NHSL1: variants seen among roughly 807,000 people sequenced by gnomAD.
The protein encoded by NHSL1 is NHS-like protein 1.
Under a neutral mutation model 95.0 loss-of-function variants are expected in NHSL1, and 48 were observed. The ratio of observed to expected loss-of-function variants is 0.51; its 90% CI spans 0.40 to 0.64. The LOEUF (loss-of-function observed/expected upper bound fraction) is 0.64. NHSL1 is among the 30% of genes least tolerant of loss of function. NHSL1 has a pLI of 0.00. For synonymous variants in NHSL1, 783 were observed against 833.9 expected, an observed-to-expected ratio of 0.94 and a Z score of 1.05; for missense variants, 1,971 against 2,077.7, an observed-to-expected ratio of 0.95 and a Z score of 1.00.
In NHSL1 at chr6:138,511,800, G is replaced by C. The variant is rs188048849; in HGVS notation, c.17-15429C>G. ...AAAATACAAAAATTAGCAGAGCACAGTGGCACACGCCTGCCTGTAATCCTA... is the reference window on the plus strand; with the variant it reads ...AAAATACAAAAATTAGCAGAGCACACTGGCACACGCCTGCCTGTAATCCTA... On this transcript the variant is annotated intron_variant, in intron 1 of 4. Coordinates refer to the NHSL1 transcript ENST00000342260. 2.8e-3 allele frequency among the ~76,000 whole-genome samples: 430 copies of C among 152,180 alleles called. 3 individuals carry two copies. The highest frequency in any genetic ancestry group is 9.3e-3 in the African/African-American group (388 of 41,512).
chr6:138,641,481 C>T (rs1226156654), intron 1 of NHSL1, among the ~76,000 whole-genome samples: 1 of 152,004 alleles, frequency 6.6e-6, no homozygotes, highest in East Asian at 1.9e-4. Context: ...GTTTAGAAAT[C>T]ATGGAAAGTC....
chr6:138,644,677 G>A (rs370428338), intron 1 of NHSL1, among the ~76,000 whole-genome samples: 9 of 152,260 alleles, frequency 5.9e-5, no homozygotes, highest in Middle Eastern at 3.4e-3. Flanking sequence ...TTACTTAAAA[G>A]GAGCAGGGAC....
At chr6:138,664,983 A>C (rs908356043) in intron 1 of NHSL1, among the ~76,000 whole-genome samples, 2 of 152,252 alleles carry the variant, frequency 1.3e-5, no homozygotes, top group Non-Finnish European at 1.5e-5. Flanking sequence ...CTTCACAGCA[A>C]CATCTAATCT....
chr6:138,470,908 C>G (rs746176373), intron 3 of NHSL1, among the ~76,000 whole-genome samples: 1 of 152,186 alleles, frequency 6.6e-6, no homozygotes, highest in Non-Finnish European at 1.5e-5. Context: ...GCAAATCACA[C>G]TAAGGTAATT....
rs188821847 is a variant in NHSL1, at chr6:138,560,012, C to A, written c.202+11698G>T. 8.0e-3 allele frequency among the ~76,000 whole-genome samples: 1,216 copies of A among 152,262 alleles called. 21 individuals carry two copies. The highest frequency in any genetic ancestry group is 0.028 in the African/African-American group (1,169 of 41,530). On this transcript the variant is annotated intron_variant, in intron 1 of 6. Transcript: ENST00000427025. Reference sequence around the variant, plus strand: ...ATTAAACTTTTCAGGCCCTGAAAACCCCAAAACATTCACACCATAGTTCCT... The same window carrying A: ...ATTAAACTTTTCAGGCCCTGAAAACACCAAAACATTCACACCATAGTTCCT...
chr6:138,551,427 T>C (rs1398487320), intron 1 of NHSL1, among the ~76,000 whole-genome samples: 2 of 152,200 alleles, frequency 1.3e-5, no homozygotes, highest in Non-Finnish European at 2.9e-5. Context: ...AGATTGGAGA[T>C]GCTGAAACCC....
intron 1 of NHSL1, among the ~76,000 whole-genome samples, chr6:138,682,849 G>A (rs1392212116): frequency 6.6e-6 from 1 of 152,140 alleles, no homozygotes; most frequent in Non-Finnish European, 1.5e-5. Context: ...CAGTGACTCC[G>A]ATGATTCAGA....
chr6:138,619,477 C>T (rs1784624794), intron 1 of NHSL1, among the ~76,000 whole-genome samples: 1 of 152,100 alleles, frequency 6.6e-6, no homozygotes, highest in Admixed American at 6.5e-5. Flanking sequence ...TCATTAAATC[C>T]AGAAGTTATG....
In NHSL1 at chr6:138,424,849, T is replaced by A; in HGVS notation, c.4086-33A>T. ...TTAATAACATTAAGAAAAAGGTTAA[T>A]TCCCACGGGACCACAGGCTGTCAGC... On this transcript the variant is annotated intron_variant, in intron 7 of 7. Coordinates refer to ENST00000343505, the MANE Select transcript of NHSL1 (RefSeq NM_001144060.2). This position sits in a 1 kb window ranked among gnomAD's most constrained non-coding sequence, Gnocchi z 5.9. The A allele has an allele frequency of 6.6e-7, 1 of 1,524,516 alleles. No homozygotes were observed. The allele number at this position is 1,524,516 out of a possible 1,614,324, so 94.4% of individuals were successfully genotyped here. A position where few individuals can be genotyped will look rare whatever the true frequency, so the allele number is the denominator to read the frequency against.
chr6:138,552,623 T>TC (rs1158007819), intron 1 of NHSL1, among the ~76,000 whole-genome samples: 1 of 152,138 alleles, frequency 6.6e-6, no homozygotes, highest in Non-Finnish European at 1.5e-5. Context: ...TAGATTTTTC[T>TC]CTTTTTTTGT....
chr6:138,594,967 C>T (rs771935217), intron 1 of NHSL1, among the ~76,000 whole-genome samples: 140 of 152,272 alleles, frequency 9.2e-4, no homozygotes, highest in South Asian at 3.1e-3. Flanking sequence ...AGCACAAGCC[C>T]CATCCAGCAC....
intron 1 of NHSL1, among the ~76,000 whole-genome samples, chr6:138,687,680 A>T (rs533295964): frequency 1.0e-3 from 156 of 152,356 alleles, no homozygotes; most frequent in African/African-American, 3.6e-3. Context: ...AAAAGTCTTA[A>T]TTATAAAAAG....
upstream of NHSL1, chr6:138,692,618 G>A (rs547324970): frequency 5.5e-3 from 961 of 174,582 alleles, 8 homozygotes; most frequent in African/African-American, 0.022. This position sits in a 1 kb window ranked among gnomAD's most constrained non-coding sequence, Gnocchi z 4.0. Flanking sequence ...AGCGCGACAG[G>A]TCGGCCAGCT....
chr6:138,487,452 T>C (rs1299228564), intron 2 of NHSL1, among the ~76,000 whole-genome samples: 2 of 152,242 alleles, frequency 1.3e-5, no homozygotes, highest in Non-Finnish European at 2.9e-5. Context: ...TGCACTATAA[T>C]ATCCAGCCCA....
chr6:138,674,710 A>G lies in NHSL1; in HGVS notation c.96+17766T>C, dbSNP rs1032476961. On this transcript the variant is annotated intron_variant, in intron 1 of 3. Transcript: ENST00000491526. ...TATACATGCCACATTTTCTTTATCCAGTCTATCACTGATGGGCATTTGGGT... is the reference window on the plus strand; with the variant it reads ...TATACATGCCACATTTTCTTTATCCGGTCTATCACTGATGGGCATTTGGGT... Among the ~76,000 whole-genome samples the G allele has an allele frequency of 4.5e-4, 68 of 152,092 alleles. 1 individual carries two copies. Among genetic ancestry groups the G allele is most frequent in the African/African-American group, 1.6e-3 (67 of 41,386 alleles).
chr6:138,542,642 T>C (rs184452421), intron 1 of NHSL1, among the ~76,000 whole-genome samples: 1 of 152,340 alleles, frequency 6.6e-6, no homozygotes, highest in East Asian at 1.9e-4. Flanking sequence ...TAATTAGTAT[T>C]TATAAAGTTA....
At chr6:138,604,448 C>A (rs1784408615) in intron 1 of NHSL1, among the ~76,000 whole-genome samples, 1 of 152,102 alleles carries the variant, frequency 6.6e-6, no homozygotes, top group Admixed American at 6.6e-5. Flanking sequence ...GGTTAAGAAG[C>A]CCTGCTCTAC....
At chr6:138,426,954 C>G (rs1237726180) in intron 7 of NHSL1, among the ~76,000 whole-genome samples, 1 of 152,200 alleles carries the variant, frequency 6.6e-6, no homozygotes, top group Non-Finnish European at 1.5e-5. Context: ...TAGAAATGGT[C>G]TAGTCCAACC....
intron 2 of NHSL1, among the ~76,000 whole-genome samples, chr6:138,478,668 G>A (rs146015459): frequency 7.2e-5 from 11 of 152,280 alleles, no homozygotes; most frequent in Non-Finnish European, 1.2e-4. Flanking sequence ...TTATGCCTGC[G>A]ACCACAGGCT....
Sources: gnomAD v4.1 joint callset for allele counts (sites outside exome capture counted in the v4.1 genomes callset) on GRCh38, gnomAD v4.1.1 for gene constraint, Gnocchi (gnomAD v3.1) non-coding constraint, MANE v1.5 for transcripts, NCBI Gene and HGNC (gene_info 2026-07-23, HGNC 2026-07-21) for gene names.